ZNF695: variants seen among roughly 807,000 people sequenced by gnomAD.
ZNF695 encodes the protein zinc finger protein SBZF3.
ZNF695 carries 11 observed loss-of-function variants against 11.2 expected under a neutral mutation model. The ratio of observed to expected loss-of-function variants is 0.98; its 90% CI spans 0.62 to 1.62. The LOEUF (loss-of-function observed/expected upper bound fraction) is 1.62. Among genes scored for constraint, ZNF695 ranks in the 40% most tolerant of loss-of-function variants. ZNF695 has a pLI of 0.00. For missense variants in ZNF695, 559 were observed against 590.5 expected (o/e 0.95, Z 0.55); for synonymous variants, 190 against 201.4 (o/e 0.94, Z 0.48).
downstream of ZNF695, among the ~76,000 whole-genome samples, chr1:246,982,939 C>T: frequency 6.6e-6 from 1 of 152,250 alleles, no homozygotes; most frequent in Admixed American, 6.5e-5. Context: ...CACGGTGGCT[C>T]ACGCCTGTAA....
chr1:246,969,356 A>T (rs1453365671), intron 4 of ZNF695: 3 of 152,232 alleles, frequency 2.0e-5, no homozygotes, highest in Non-Finnish European at 4.4e-5. Context: ...GCTAAAGCAT[A>T]GCAAGAGTGA....
chr1:247,003,912 C>G (rs1472716191), intron 1 of ZNF695, among the ~76,000 whole-genome samples: 1 of 152,144 alleles, frequency 6.6e-6, no homozygotes, highest in Non-Finnish European at 1.5e-5. Context: ...ATTTGAATGA[C>G]AGTAAAAATT....
intron 5 of ZNF695, among the ~76,000 whole-genome samples, chr1:246,955,342 G>C (rs1225420999): frequency 6.6e-6 from 1 of 152,112 alleles, no homozygotes; most frequent in Non-Finnish European, 1.5e-5. Flanking sequence ...TCACACAATG[G>C]TAAGTATTTG....
chr1:246,947,141 A>ATC (rs1220383970), intron 5 of ZNF695, among the ~76,000 whole-genome samples: 2 of 148,692 alleles, frequency 1.3e-5, no homozygotes, highest in Non-Finnish European at 1.5e-5. Flanking sequence ...CTCCGTCAAA[A>ATC]AAAAAAAAAA....
chr1:246,960,019 C>T (rs1668124197), intron 5 of ZNF695, among the ~76,000 whole-genome samples: 1 of 152,170 alleles, frequency 6.6e-6, no homozygotes, highest in Non-Finnish European at 1.5e-5. Flanking sequence ...ACTTCATTTC[C>T]TCTAAGTATG....
chr1:246,956,622 T>TA (rs559638929), intron 5 of ZNF695, among the ~76,000 whole-genome samples: 33 of 151,670 alleles, frequency 2.2e-4, no homozygotes, highest in Non-Finnish European at 4.1e-4. Context: ...CCTCCAAAAA[T>TA]AAAAAAAAGA....
chr1:246,964,883 A>T (rs1257452573), intron 5 of ZNF695, among the ~76,000 whole-genome samples: 2 of 152,052 alleles, frequency 1.3e-5, no homozygotes, highest in African/African-American at 2.4e-5. Context: ...TCAAAAAAAA[A>T]TTTAATAAAA....
intron 5 of ZNF695, among the ~76,000 whole-genome samples, chr1:246,955,927 G>A (rs1667983719): frequency 6.6e-6 from 1 of 151,918 alleles, no homozygotes; most frequent in Admixed American, 6.6e-5. Context: ...GGAGGCACGG[G>A]AGCCAGATGA....
intron 4 of ZNF695, among the ~76,000 whole-genome samples, chr1:246,973,572 AATG>A (rs1394212915): frequency 6.6e-6 from 1 of 152,204 alleles, no homozygotes; most frequent in African/African-American, 2.4e-5. Context: ...ACTATAAAAA[AATG>A]ATTACCACAG....
At chr1:246,947,297 C>T (rs1311296837) in intron 5 of ZNF695, among the ~76,000 whole-genome samples, 1 of 150,616 alleles carries the variant, frequency 6.6e-6, no homozygotes, top group Non-Finnish European at 1.5e-5. Flanking sequence ...ATATAGTGTG[C>T]ACCATAGCCT....
intron 3 of ZNF695, among the ~76,000 whole-genome samples, chr1:246,998,249 GA>G (rs1423500848): frequency 1.6e-4 from 25 of 152,062 alleles, no homozygotes; most frequent in Admixed American, 2.0e-4. Context: ...CTAAACAAGA[GA>G]AAATTATAAA....
At chr1:246,984,289 A>C (rs1410958429), downstream of ZNF695, among the ~76,000 whole-genome samples, 3 of 151,396 alleles carry the variant, frequency 2.0e-5, no homozygotes, top group Non-Finnish European at 4.4e-5. Flanking sequence ...TTAAAAAAAA[A>C]AAAAAAAAAA....
intron 5 of ZNF695, among the ~76,000 whole-genome samples, chr1:246,951,727 T>G (rs1025532018): frequency 6.6e-6 from 1 of 152,184 alleles, no homozygotes; most frequent in African/African-American, 2.4e-5. Flanking sequence ...GTGTGGAAGA[T>G]CCTTCCTGTG....
chr1:246,980,665 G>A (rs1220199026), downstream of ZNF695, among the ~76,000 whole-genome samples: 3 of 151,988 alleles, frequency 2.0e-5, no homozygotes, highest in Non-Finnish European at 2.9e-5. Flanking sequence ...TGATCCACCC[G>A]CCTCAGCCTC....
chr1:246,984,740 G>A (rs1002709350), downstream of ZNF695, among the ~76,000 whole-genome samples: 7 of 152,130 alleles, frequency 4.6e-5, no homozygotes, highest in Non-Finnish European at 4.4e-5. Flanking sequence ...ATGGAAAAAT[G>A]GAAATGTACT....
In ZNF695 at chr1:246,987,693, G is replaced by A. The variant is rs1668895378; in HGVS notation, c.822C>T (p.Gly274=). Residue 274 remains glycine, a synonymous_variant, in exon 4 of 4, where the codon GGC becomes GGT. Coordinates refer to ENST00000339986, the MANE Select transcript of ZNF695 (RefSeq NM_020394.5). ...EKKTYRCEEC[G]KAFNLCSVLT... is the part of the protein sequence containing the mutation. ...GAACTGAGCACAGGTTAAAAGCTTT[G>A]CCACATTCTTCACATCTGTAGGTTT... 5 of 1,595,754 alleles carry A rather than the reference G, an allele frequency of 3.1e-6. No individual in the cohort carries two copies. The highest frequency in any genetic ancestry group is 2.3e-5 in the South Asian group (2 of 87,526).
intron 5 of ZNF695, among the ~76,000 whole-genome samples, chr1:246,962,795 C>CCA (rs1668194402): frequency 6.6e-6 from 1 of 152,060 alleles, no homozygotes; most frequent in Non-Finnish European, 1.5e-5. Flanking sequence ...CAGGTTCACG[C>CCA]CATTCTCCTG....
At chr1:246,997,795 A>G (rs1572533524) in intron 3 of ZNF695, among the ~76,000 whole-genome samples, 1 of 152,220 alleles carries the variant, frequency 6.6e-6, no homozygotes, top group Non-Finnish European at 1.5e-5. Context: ...AAATAAGCCA[A>G]ACACAGAAAA....
At chr1:247,001,580 G>A (rs974350607) in intron 1 of ZNF695, among the ~76,000 whole-genome samples, 1 of 151,532 alleles carries the variant, frequency 6.6e-6, no homozygotes, top group Non-Finnish European at 1.5e-5. Flanking sequence ...ACACGTGGTG[G>A]CGGGCGCCTG....
Sources: gnomAD v4.1 joint callset for allele counts (sites outside exome capture counted in the v4.1 genomes callset) on GRCh38, gnomAD v4.1.1 for gene constraint, MANE v1.5 for transcripts, NCBI Gene and HGNC (gene_info 2026-07-23, HGNC 2026-07-21) for gene names.